Variants in SCN10A observed in about 807,000 individuals in gnomAD.
SCN10A encodes the protein sodium voltage-gated channel alpha subunit 10.
SCN10A carries 162 observed loss-of-function variants against 170.7 expected under a neutral mutation model. The observed-to-expected ratio is 0.95, with a 90% CI of 0.84 to 1.08. The LOEUF (loss-of-function observed/expected upper bound fraction) is 1.08. Ranked by LOEUF, SCN10A falls within the 50% of genes least tolerant of loss-of-function variation. SCN10A has a pLI of 0.00. For synonymous variants in SCN10A, 985 were observed against 904.6 expected, an observed-to-expected ratio of 1.09 and a Z score of -1.59; for missense variants, 2,527 against 2,436.9, an observed-to-expected ratio of 1.04 and a Z score of -0.78.
intron 11 of SCN10A, among the ~76,000 whole-genome samples, chr3:38,754,050 G>T (rs1384744026): frequency 6.6e-6 from 1 of 152,160 alleles, no homozygotes; most frequent in Non-Finnish European, 1.5e-5. Flanking sequence ...TCCTGAGTGG[G>T]CTCCAATAAA....
chr3:38,713,996 G>T lies in SCN10A; in HGVS notation c.3766C>A (p.Arg1256=), dbSNP rs747044382. The T allele has an allele frequency of 1.9e-6, 3 of 1,613,854 alleles. No individual in the cohort carries two copies. The highest frequency in any genetic ancestry group is 2.7e-5 in the African/African-American group (2 of 74,932). ...IKALRTLRAL[R]PLRALSRFEG... ...AATCGAGAAAGAGCCCGCAGTGGCC[G>T]CAGAGCGCGAAGGGTTCGAAGGGCT... is the stretch of plus-strand genomic sequence containing the variant. Residue 1256 remains arginine, a synonymous_variant, in exon 22 of 28, where the codon CGG becomes AGG. Transcript: ENST00000449082.
At chr3:38,778,045 C>A (rs1046415467) in intron 4 of SCN10A, among the ~76,000 whole-genome samples, 9 of 151,690 alleles carry the variant, frequency 5.9e-5, no homozygotes, top group Non-Finnish European at 1.3e-4. Context: ...TGGGCAAATC[C>A]CAAAAACATA....
intron 15 of SCN10A, among the ~76,000 whole-genome samples, chr3:38,730,484 CA>C (rs2063503320): frequency 6.6e-6 from 1 of 152,058 alleles, no homozygotes; most frequent in Non-Finnish European, 1.5e-5. Context: ...CAAACAAAAA[CA>C]GAAGGAATGA....
intron 4 of SCN10A, among the ~76,000 whole-genome samples, chr3:38,779,284 A>G (rs527945373): frequency 3.3e-5 from 5 of 152,234 alleles, no homozygotes; most frequent in African/African-American, 1.2e-4. Flanking sequence ...TAATTTCTAT[A>G]AAACAGCTGC....
chr3:38,739,064 T>C (rs1039503120), intron 15 of SCN10A, among the ~76,000 whole-genome samples: 2 of 152,126 alleles, frequency 1.3e-5, no homozygotes, highest in African/African-American at 2.4e-5. Context: ...TGGGAGACTT[T>C]CGGGTCATCA....
At chr3:38,788,011 A>T (rs1476542548) in intron 4 of SCN10A, among the ~76,000 whole-genome samples, 1 of 151,658 alleles carries the variant, frequency 6.6e-6, no homozygotes, top group Non-Finnish European at 1.5e-5. Flanking sequence ...CTTTTTTATG[A>T]CTGCATAGCA....
intron 24 of SCN10A, 127 bp downstream of exon 24, chr3:38,710,717 C>G: frequency 1.2e-6 from 1 of 830,312 alleles, no homozygotes; most frequent in Non-Finnish European, 2.0e-6. Context: ...CAAGGAGGGA[C>G]AGTGTGAGGT....
intron 4 of SCN10A, among the ~76,000 whole-genome samples, chr3:38,780,905 C>T (rs968309685): frequency 6.6e-6 from 1 of 151,944 alleles, no homozygotes; most frequent in African/African-American, 2.4e-5. Flanking sequence ...AGTGGCTGGC[C>T]ATTGGAAGTT....
chr3:38,805,041 C>T (rs2126065375), intron 1 of SCN10A, among the ~76,000 whole-genome samples: 1 of 152,188 alleles, frequency 6.6e-6, no homozygotes, highest in South Asian at 2.1e-4. Flanking sequence ...GACTAGATTT[C>T]TCAATTGCTG....
rs115938712 is a variant in SCN10A at position 38,701,340 on chromosome 3, A to G, written c.4657+499T>C. Among the ~76,000 whole-genome samples, 239 of 152,334 alleles carry G rather than the reference A, an allele frequency of 1.6e-3. 1 individual carries two copies. Among genetic ancestry groups the G allele is most frequent in the African/African-American group, 5.7e-3 (235 of 41,570 alleles). On this transcript the variant is annotated intron_variant, in intron 27 of 27. Coordinates refer to ENST00000449082, the MANE Select transcript of SCN10A (RefSeq NM_006514.4). ...GTTCCCTAATAGAACAGTTGTGTAG[A>G]GATTTAATTCCAGACCCTAGACTTG... is the stretch of plus-strand genomic sequence containing the variant.
intron 10 of SCN10A, 150 bp downstream of exon 10, chr3:38,756,524 G>T: frequency 1.4e-6 from 1 of 700,874 alleles, no homozygotes; most frequent in Non-Finnish European, 2.5e-6. Context: ...CTTCTTCTTT[G>T]AGAAAACCTG....
In SCN10A at chr3:38,742,447, C is replaced by G; in HGVS notation, c.1950G>C (p.Met650Ile). ...AGAGAATTGTCTTGAGCTTCACCCA[C>G]ATGGGGCAGCAATCCCAGATCAGAT... ...QKYLIWDCCP[M>I]WVKLKTILFG... The change falls in exon 14 of 28, where the codon ATG (methionine) becomes ATC (isoleucine). Residue 650 changes from methionine to isoleucine, a missense_variant. Transcript: ENST00000449082. The G allele has an allele frequency of 6.2e-7, 1 of 1,614,200 alleles. No individual in the cohort carries two copies. The highest frequency in any genetic ancestry group is 8.5e-7 in the Non-Finnish European group (1 of 1,180,048).
At chr3:38,764,948 C>T (rs1349613066) in intron 5 of SCN10A, among the ~76,000 whole-genome samples, 2 of 152,148 alleles carry the variant, frequency 1.3e-5, no homozygotes, top group African/African-American at 4.8e-5. Flanking sequence ...TTGCATTTCC[C>T]TGATAATTAA....
At chr3:38,815,629 T>G (rs1278162082) in intron 1 of SCN10A, among the ~76,000 whole-genome samples, 2 of 152,228 alleles carry the variant, frequency 1.3e-5, no homozygotes, top group East Asian at 3.8e-4. Flanking sequence ...TTTGTTTAGT[T>G]TTAACAACTT....
At chr3:38,734,316 C>T (rs897326873) in intron 15 of SCN10A, among the ~76,000 whole-genome samples, 2 of 152,158 alleles carry the variant, frequency 1.3e-5, no homozygotes, top group African/African-American at 4.8e-5. Flanking sequence ...GCCACCCCAC[C>T]TGGCCCCCTT....
intron 26 of SCN10A, among the ~76,000 whole-genome samples, chr3:38,702,342 G>A (rs2063165206): frequency 6.6e-6 from 1 of 152,124 alleles, no homozygotes; most frequent in South Asian, 2.1e-4. Flanking sequence ...CTTTTGTCCT[G>A]GTCTGTGCCC....
intron 1 of SCN10A, among the ~76,000 whole-genome samples, chr3:38,795,100 T>G (rs1280993384): frequency 6.6e-6 from 1 of 152,148 alleles, no homozygotes; most frequent in Non-Finnish European, 1.5e-5. Context: ...TCCTCCAACT[T>G]TAAAAACTTT....
intron 7 of SCN10A, 54 bp from the exon 8 acceptor site, chr3:38,760,801 A>T: frequency 7.0e-7 from 1 of 1,438,534 alleles, no homozygotes; most frequent in Non-Finnish European, 9.8e-7. Context: ...CCTCCAACCC[A>T]AGCCTTGTGT....
At position 38,702,050 on chromosome 3, in the gene SCN10A, G is replaced by C. The variant is rs914896984; in HGVS notation, c.4446C>G (p.Ile1482Met). Reference protein sequence around the residue: ...IVTRQAFDITIMVLICLNMIT... With the variant: ...IVTRQAFDITMMVLICLNMIT... ...TCATGTTGAGGCAGATGAGGACCATGATGGTGATGTCAAAAGCTTGTCTGG... is the reference window on the plus strand; with the variant it reads ...TCATGTTGAGGCAGATGAGGACCATCATGGTGATGTCAAAAGCTTGTCTGG... The change falls in exon 27 of 28, where the codon ATC becomes ATG. Residue 1482 changes from isoleucine (I) to methionine (M), a missense_variant. Ile to Met is a conservative substitution (Grantham distance 10). Transcript: ENST00000449082. 1.9e-6 allele frequency: 3 copies of C among 1,601,166 alleles called. No homozygotes were observed. Among genetic ancestry groups the C allele is most frequent in the Non-Finnish European group, 2.6e-6 (3 of 1,173,930 alleles).
Sources: gnomAD v4.1 joint callset for allele counts (sites outside exome capture counted in the v4.1 genomes callset) on GRCh38, gnomAD v4.1.1 for gene constraint, MANE v1.5 for transcripts, NCBI Gene and HGNC (gene_info 2026-07-23, HGNC 2026-07-21) for gene names.